The following NSUN5 variants were observed in gnomAD, a reference collection of about 807,000 sequenced individuals.
NSUN5 encodes 28S rRNA (cytosine-C(5))-methyltransferase.
NSUN5 carries 39 observed loss-of-function variants against 51.1 expected under a neutral mutation model. That is an observed-to-expected ratio of 0.76 (90% CI 0.59 to 1.00). The LOEUF (loss-of-function observed/expected upper bound fraction) is 1.00. Ranked by LOEUF, NSUN5 falls within the 50% of genes least tolerant of loss-of-function variation. NSUN5 has a pLI of 0.00. For synonymous variants in NSUN5, 266 were observed against 271.5 expected, an observed-to-expected ratio of 0.98 and a Z score of 0.20; for missense variants, 526 against 614.0, an observed-to-expected ratio of 0.86 and a Z score of 1.51.
rs782018026 is a variant in NSUN5 at position 73,304,211 on chromosome 7, C to T, written c.934+19G>A. Reference sequence around the variant, plus strand: ...TGTGGATCTGCGAGTCCCTCGGCCACGCTTTCTCGCCATCTCACCCGAGCC... The same window carrying T: ...TGTGGATCTGCGAGTCCCTCGGCCATGCTTTCTCGCCATCTCACCCGAGCC... On this transcript the variant is annotated intron_variant, in intron 7 of 9. Coordinates refer to ENST00000438747, the MANE Select transcript of NSUN5 (RefSeq NM_148956.4). 5.0e-6 allele frequency: 8 copies of T among 1,592,772 alleles called. No individual in the cohort carries two copies. The highest frequency in any genetic ancestry group is 3.4e-4 in the Middle Eastern group (2 of 5,946).
chr7:73,303,902 A>T lies in NSUN5; in HGVS notation c.1069T>A (p.Ser357Thr). Reference sequence around the variant, plus strand: ...TCCTCCTGGCAGAGGGAGCACGTGGAGTAGACGAGCCGCTGCAGGGAAGGG... The same window carrying T: ...TCCTCCTGGCAGAGGGAGCACGTGGTGTAGACGAGCCGCTGCAGGGAAGGG... ...TFPSLQRLVY[S>T]TCSLCQEENE... Residue 357 changes from serine (S) to threonine (T), a missense_variant, in exon 8 of 10, where the codon TCC becomes ACC. Coordinates refer to ENST00000438747, the MANE Select transcript of NSUN5 (RefSeq NM_148956.4). 1 of 1,613,774 alleles carries T rather than the reference A, an allele frequency of 6.2e-7. No individual in the cohort carries two copies. Among genetic ancestry groups the T allele is most frequent in the Non-Finnish European group, 8.5e-7 (1 of 1,179,928 alleles).
In NSUN5 at chr7:73,302,846, C is replaced by T. The variant is rs1803858456; in HGVS notation, c.*569G>A. ...CTCCTTCCCACCCCTCAGAACAGCTCTGATCCTCGTTAATACCTGGCTGCG... is the reference window on the plus strand; with the variant it reads ...CTCCTTCCCACCCCTCAGAACAGCTTTGATCCTCGTTAATACCTGGCTGCG... On this transcript the variant is annotated 3_prime_UTR_variant, in exon 10 of 10. Coordinates refer to ENST00000438747, the MANE Select transcript of NSUN5 (RefSeq NM_148956.4). The T allele has an allele frequency of 2.0e-6, 2 of 1,013,072 alleles. No homozygotes were observed. The highest frequency in any genetic ancestry group is 8.1e-5 in the South Asian group (2 of 24,824). The allele number at this position is 1,013,072 out of a possible 1,614,324, so 62.8% of individuals were successfully genotyped here.
chr7:73,308,646 C>A, intron 1 of NSUN5, 52 bp downstream of exon 1: 1 of 1,591,808 alleles, frequency 6.3e-7, no homozygotes, highest in Non-Finnish European at 8.6e-7. Flanking sequence ...CGTCCGACCC[C>A]ACCCCGGGTT....
In NSUN5 at chr7:73,302,924, A is replaced by C; in HGVS notation, c.*491T>G. ...AAGCCTAAATACCTGTTAGGATTGGAGGGTCTGGGTGGGCCTGGGCCTAGC... is the reference window on the plus strand; with the variant it reads ...AAGCCTAAATACCTGTTAGGATTGGCGGGTCTGGGTGGGCCTGGGCCTAGC... On this transcript the variant is annotated 3_prime_UTR_variant, in exon 10 of 10. Transcript: ENST00000438747. 1 of 1,057,078 alleles carries C rather than the reference A, an allele frequency of 9.5e-7. No individual in the cohort carries two copies. The allele number at this position is 1,057,078 out of a possible 1,614,324, so 65.5% of individuals were successfully genotyped here. A position where few individuals can be genotyped will look rare whatever the true frequency, so the allele number is the denominator to read the frequency against.
chr7:73,304,454 G>T (rs782351569), intron 6 of NSUN5, 46 bp from the exon 7 acceptor site: 1 of 1,553,544 alleles, frequency 6.4e-7, no homozygotes, highest in East Asian at 2.2e-5. Context: ...AGCAGCTAAG[G>T]GCCTGTCACA....
intron 6 of NSUN5, 100 bp downstream of exon 6, chr7:73,304,647 C>G (rs1803959228): frequency 1.0e-5 from 11 of 1,099,552 alleles, no homozygotes; most frequent in Non-Finnish European, 1.4e-6. Flanking sequence ...TTTGGTGCAG[C>G]AAGAAAGACT....
rs1554542110 is a variant in NSUN5, at chr7:73,307,698, C to T, written c.276G>A (p.Lys92=). The T allele has an allele frequency of 1.9e-6, 3 of 1,605,022 alleles. No homozygotes were observed. The highest frequency in any genetic ancestry group is 1.7e-6 in the Non-Finnish European group (2 of 1,175,828). ...TCGCCTGGTGCCGGCCCAACAGAGC[C>T]TTCCATCGGCCCCCACCCCCTCGAA... The part of the protein sequence containing the change: ...KGFRGGGGRW[K]ALLGRHQARL... Residue 92 remains lysine, a synonymous_variant, in exon 3 of 10, where the codon AAG becomes AAA. Transcript: ENST00000438747.
chr7:73,305,737 A>G (rs1554541742), intron 4 of NSUN5, among the ~76,000 whole-genome samples: 1 of 151,342 alleles, frequency 6.6e-6, no homozygotes, highest in Non-Finnish European at 1.5e-5. Context: ...AGTCCCGCCG[A>G]CTCTCCGACC....
At position 73,303,753 on chromosome 7, in the gene NSUN5, C is replaced by T. The variant is rs558140471; in HGVS notation, c.1146-13G>A. On this transcript the variant is annotated splice_polypyrimidine_tract_variant and intron_variant, in intron 8 of 9. Transcript: ENST00000438747. ...GGCGGGAGCTAGCCTGCAAGAGAAA[C>T]GGCCCCAATGCTGGGTAAGAGAGCA... is the stretch of plus-strand genomic sequence containing the variant. 2.0e-5 allele frequency: 32 copies of T among 1,613,976 alleles called. No individual in the cohort carries two copies. Among genetic ancestry groups the T allele is most frequent in the Middle Eastern group, 1.7e-4 (1 of 6,060 alleles).
Position 73,304,725 on chromosome 7 carries a change from C to T in NSUN5, c.755+22G>A, listed in dbSNP as rs782156795. On this transcript the variant is annotated intron_variant, in intron 6 of 9. Transcript: ENST00000438747. ...GCACAGAATCAAACCCCATGTCCTC[C>T]TCCTCCTCCTGTGGCACTCACCCTT... 6 of 1,553,510 alleles carry T rather than the reference C, an allele frequency of 3.9e-6. No homozygotes were observed. In the Admixed American group the frequency reaches 1.0e-4, roughly 26 times the overall value.
chr7:73,308,078 G>A (rs1246288853), intron 2 of NSUN5: 4 of 451,368 alleles, frequency 8.9e-6, no homozygotes, highest in African/African-American at 2.0e-5. Context: ...CTGTCGCCCA[G>A]GCTGAAGTGC....
intron 4 of NSUN5, among the ~76,000 whole-genome samples, 194 bp from the exon 5 acceptor site, chr7:73,305,291 G>C (rs1449846141): frequency 6.6e-6 from 1 of 152,112 alleles, no homozygotes; most frequent in African/African-American, 2.4e-5. Context: ...CCCCTCTACT[G>C]TTTACCAGCA....
At position 73,308,400 on chromosome 7, in the gene NSUN5, G is replaced by A. The variant is rs782607339; in HGVS notation, c.216+31C>T. On this transcript the variant is annotated intron_variant, in intron 2 of 9. Coordinates refer to ENST00000438747, the MANE Select transcript of NSUN5 (RefSeq NM_148956.4). ...AGATGACAAAGCGCTGACCGTCGGGGTTCACTTCCCCGTCCCTCCCCTCCC... is the reference window on the plus strand; with the variant it reads ...AGATGACAAAGCGCTGACCGTCGGGATTCACTTCCCCGTCCCTCCCCTCCC... 5.1e-6 allele frequency: 8 copies of A among 1,566,590 alleles called. No homozygotes were observed. The South Asian group carries it at 8.0e-5, about 16-fold the overall frequency.
Position 73,303,014 on chromosome 7 carries a change from TACCTCAGTTC to T in NSUN5, c.*391_*400del. On this transcript the variant is annotated 3_prime_UTR_variant, in exon 10 of 10. Coordinates refer to ENST00000438747, the MANE Select transcript of NSUN5 (RefSeq NM_148956.4). ...CCTAGTGTCAGCACCTGAGCTAGTT[TACCTCAGTTC>T]CGCAGGCAGGACAGCCGGTCCGGGA... 7.9e-7 allele frequency: 1 copy of T among 1,265,564 alleles called. No individual in the cohort carries two copies. The highest frequency in any genetic ancestry group is 1.8e-5 in the South Asian group (1 of 55,284). 78.4% of individuals were successfully genotyped at this position (1,265,564 alleles called of 1,614,324 possible).
chr7:73,308,674 A>G, intron 1 of NSUN5, 24 bp downstream of exon 1: 1 of 1,588,196 alleles, frequency 6.3e-7, no homozygotes, highest in Non-Finnish European at 8.6e-7. Context: ...CCCCACCCCT[A>G]CTACTCGCGC....
rs1554542420 is a variant in NSUN5 at position 73,308,782 on chromosome 7, C to T, written c.9G>A (p.Leu3=). MG[L]YAAAAGVLAG... ...CCAACACGCCTGCAGCTGCAGCATA[C>T]AGCCCCATGTTCCCGCGCGCCTTTA... Residue 3 remains leucine, a synonymous_variant, in exon 1 of 10, where the codon CTG becomes CTA. Coordinates refer to ENST00000438747, the MANE Select transcript of NSUN5 (RefSeq NM_148956.4). 6.2e-7 allele frequency: 1 copy of T among 1,613,140 alleles called. No homozygotes were observed. The highest frequency in any genetic ancestry group is 2.2e-5 in the East Asian group (1 of 44,858).
chr7:73,304,024 C>T lies in NSUN5; in HGVS notation c.947G>A (p.Arg316Lys), dbSNP rs1196328966. 3.7e-6 allele frequency: 6 copies of T among 1,614,092 alleles called. No individual in the cohort carries two copies. Among genetic ancestry groups the T allele is most frequent in the African/African-American group, 1.3e-5 (1 of 75,062 alleles). Residue 316 changes from arginine (R) to lysine (K), a missense_variant, in exon 8 of 10, where the codon AGA (arginine) becomes AAA (lysine). Arg to Lys is a conservative substitution (Grantham distance 26, BLOSUM62 2). Transcript: ENST00000438747. ...PSCSGSGMPS[R>K]QLEEPGAGTP... ...GCCTGCCCCGGGCTCCTCCAGCTGT[C>T]TGCTCGGCATACCTAAGGAAAAGAG...
Position 73,304,819 on chromosome 7 carries a change from G to C in NSUN5, c.683C>G (p.Ser228Cys), listed in dbSNP as rs1554541553. 5 of 1,613,934 alleles carry C rather than the reference G, an allele frequency of 3.1e-6. No individual in the cohort carries two copies. In the East Asian group the frequency reaches 8.9e-5, roughly 29 times the overall value. The change falls in exon 6 of 10, where the codon TCC (serine) becomes TGC (cysteine). Residue 228 changes from serine to cysteine, a missense_variant. Coordinates refer to ENST00000438747, the MANE Select transcript of NSUN5 (RefSeq NM_148956.4). ...PAMLLDPPPG[S>C]HVIDACAAPG... ...GGCGGCACAGGCATCGATGACATGG[G>C]AGCCTGGCGGGGGGTCCAGCAGCAT...
At chr7:73,304,613 C>G in intron 6 of NSUN5, 134 bp downstream of exon 6, 1 of 924,716 alleles carries the variant, frequency 1.1e-6, no homozygotes, top group Non-Finnish European at 1.7e-6. Flanking sequence ...GAAAGCTTAG[C>G]TTGGGGCAAA....
Sources: gnomAD v4.1 joint callset for allele counts (sites outside exome capture counted in the v4.1 genomes callset) on GRCh38, gnomAD v4.1.1 for gene constraint, MANE v1.5 for transcripts, NCBI Gene and HGNC (gene_info 2026-07-23, HGNC 2026-07-21) for gene names.